Variants in RAB2A observed in about 807,000 individuals in gnomAD.
RAB2A encodes RAB2A, member RAS oncogene family.
Under a neutral mutation model 32.5 loss-of-function variants are expected in RAB2A, and 7 were observed. That is an observed-to-expected ratio of 0.22 (90% confidence interval 0.12 to 0.40). The LOEUF is 0.40. Ranked by LOEUF, RAB2A falls within the 10% of genes least tolerant of loss-of-function variation. RAB2A has a pLI of 1.00. For missense variants in RAB2A, 108 were observed against 260.7 expected (o/e 0.41, Z 4.03); for synonymous variants, 79 against 85.2 (o/e 0.93, Z 0.40).
At chr8:60,548,508 CG>C (rs534551427) in intron 1 of RAB2A, among the ~76,000 whole-genome samples, 1 of 39,442 alleles carries the variant, frequency 2.5e-5, no homozygotes, top group Non-Finnish European at 3.9e-5. Flanking sequence ...GCTGGCCGGG[CG>C]GGGGGCTGAC....
intron 1 of RAB2A, among the ~76,000 whole-genome samples, chr8:60,532,265 A>G (rs1447513000): frequency 1.3e-5 from 2 of 152,232 alleles, no homozygotes; most frequent in African/African-American, 4.8e-5. Context: ...TTCTTTGGAT[A>G]AAGTATTGTT....
intron 3 of RAB2A, among the ~76,000 whole-genome samples, chr8:60,577,042 CT>C (rs5891770): frequency 0.49 from 72,691 of 149,540 alleles, 18,895 homozygotes; most frequent in African/African-American, 0.69. Context: ...CCTATTTTAT[CT>C]TTTTTTTTTT....
chr8:60,580,870 A>G (rs941434599), intron 3 of RAB2A, among the ~76,000 whole-genome samples: 1 of 152,166 alleles, frequency 6.6e-6, no homozygotes, highest in Non-Finnish European at 1.5e-5. Flanking sequence ...TTTTCTAGCA[A>G]TGTGTTCATT....
chr8:60,577,792 A>ATTTTT (rs3055112), intron 3 of RAB2A, among the ~76,000 whole-genome samples: 9 of 112,942 alleles, frequency 8.0e-5, no homozygotes, highest in South Asian at 3.3e-4. Flanking sequence ...CGCCCGGCTA[A>ATTTTT]TTTTTTTTTT....
chr8:60,544,617 A>C lies in RAB2A; in HGVS notation c.47-14235A>C, dbSNP rs371862431. ...AGTATGTTGCCCAGGCTGGTCTTTA[A>C]ACTCCTTGCCTCAAGTGATTCTCCC... On this transcript the variant is annotated intron_variant, in intron 1 of 7. Transcript: ENST00000262646. Among the ~76,000 whole-genome samples, 2 of 148,408 alleles carry C rather than the reference A, an allele frequency of 1.3e-5. 1 individual carries two copies. Among genetic ancestry groups the C allele is most frequent in the South Asian group, 4.3e-4 (2 of 4,668 alleles).
rs1807253799 is a variant in RAB2A, at chr8:60,518,702, CG to C, written c.46+1450del. Among the ~76,000 whole-genome samples the C allele has an allele frequency of 2.1e-5, 3 of 144,660 alleles. No individual in the cohort carries two copies. The Admixed American group carries it at 2.1e-4, about 10-fold the overall frequency. 94.9% of individuals were successfully genotyped at this position (144,660 alleles called of 152,430 possible). On this transcript the variant is annotated intron_variant, in intron 1 of 7. Coordinates refer to ENST00000262646, the MANE Select transcript of RAB2A (RefSeq NM_002865.3). ...AGCAAGGTTTTCTGATGCGTGCGTG[CG>C]TGTGTGTGTGTGTGGAAATTGGATT...
chr8:60,549,477 AC>A (rs1467865158), intron 1 of RAB2A, among the ~76,000 whole-genome samples: 3 of 134,444 alleles, frequency 2.2e-5, no homozygotes, highest in African/African-American at 8.0e-5. Context: ...GTCTCCACCA[AC>A]CTTTTTTTTT....
At chr8:60,546,750 G>A (rs537567866) in intron 1 of RAB2A, among the ~76,000 whole-genome samples, 9 of 152,196 alleles carry the variant, frequency 5.9e-5, no homozygotes, top group South Asian at 4.1e-4. Context: ...AAATGATTGC[G>A]TGCAAAGGCC....
intron 2 of RAB2A, chr8:60,570,085 C>A (rs745466505): frequency 2.2e-6 from 1 of 453,658 alleles, no homozygotes; most frequent in South Asian, 1.6e-5. Flanking sequence ...TAGCCCTCTG[C>A]TCAAGATATC....
intron 6 of RAB2A, among the ~76,000 whole-genome samples, chr8:60,599,216 TA>T (rs1804088021): frequency 6.6e-6 from 1 of 152,102 alleles, no homozygotes; most frequent in East Asian, 1.9e-4. Context: ...GGGGTGAATC[TA>T]AAAACAGCAT....
intron 5 of RAB2A, among the ~76,000 whole-genome samples, chr8:60,587,477 A>G (rs752975119): frequency 6.6e-6 from 1 of 151,588 alleles, no homozygotes; most frequent in Non-Finnish European, 1.5e-5. Context: ...AGAGAAAAGC[A>G]TGAACTTATA....
chr8:60,588,851 G>A (rs1262923619), intron 5 of RAB2A, among the ~76,000 whole-genome samples: 1 of 152,174 alleles, frequency 6.6e-6, no homozygotes, highest in Non-Finnish European at 1.5e-5. Flanking sequence ...AGATTTTAGA[G>A]TGTTGTTTTA....
chr8:60,565,417 CAA>C (rs34983530), intron 2 of RAB2A, among the ~76,000 whole-genome samples: 26 of 111,330 alleles, frequency 2.3e-4, no homozygotes, highest in African/African-American at 3.4e-4. Context: ...AGACCTGCCT[CAA>C]AAAAAAAAAA....
chr8:60,599,366 T>C (rs1381150068), intron 6 of RAB2A, among the ~76,000 whole-genome samples: 1 of 152,196 alleles, frequency 6.6e-6, no homozygotes, highest in East Asian at 1.9e-4. Context: ...TATTCACAAA[T>C]TGATATAAAT....
At chr8:60,565,228 G>C (rs944120885) in intron 2 of RAB2A, among the ~76,000 whole-genome samples, 2 of 152,094 alleles carry the variant, frequency 1.3e-5, no homozygotes, top group Non-Finnish European at 2.9e-5. Context: ...AGACCAGCCA[G>C]GGCAACAAAG....
chr8:60,519,087 G>A (rs536268943), intron 1 of RAB2A, among the ~76,000 whole-genome samples: 36 of 152,136 alleles, frequency 2.4e-4, no homozygotes, highest in Non-Finnish European at 4.1e-4. Context: ...AATTCAAAGG[G>A]AAGACACTTC....
chr8:60,558,951 A>G (rs1807979574), intron 2 of RAB2A, 28 bp downstream of exon 2: 1 of 1,548,846 alleles, frequency 6.5e-7, no homozygotes, highest in Non-Finnish European at 8.9e-7. Context: ...GATGAGAAGC[A>G]CTAAAAGTTT....
chr8:60,590,316 A>G (rs1326739169), intron 5 of RAB2A, among the ~76,000 whole-genome samples: 1 of 151,644 alleles, frequency 6.6e-6, no homozygotes, highest in Non-Finnish European at 1.5e-5. Context: ...TGATTTTTAC[A>G]ATTCATTGAG....
intron 2 of RAB2A, among the ~76,000 whole-genome samples, chr8:60,569,205 A>G (rs1259917818): frequency 2.6e-5 from 4 of 152,150 alleles, no homozygotes; most frequent in Non-Finnish European, 5.9e-5. Flanking sequence ...TCCTTTTGAG[A>G]TGTGTATTTT....
Sources: allele counts gnomAD v4.1 joint callset (sites outside exome capture counted in the v4.1 genomes callset), GRCh38; gene constraint gnomAD v4.1.1; transcripts MANE v1.5; gene names NCBI Gene and HGNC (gene_info 2026-07-23, HGNC 2026-07-21).